PRKCE: variants seen among roughly 807,000 people sequenced by gnomAD.
The protein encoded by PRKCE is protein kinase C epsilon type.
In PRKCE, 16 loss-of-function variants were observed where a neutral mutation model predicts 85.4. The ratio of observed to expected loss-of-function variants is 0.19; its 90% CI spans 0.13 to 0.28. The LOEUF (loss-of-function observed/expected upper bound fraction) is 0.28, where lower values mean the gene tolerates loss of function less well. Among genes scored for constraint, PRKCE ranks in the 10% least tolerant of loss-of-function variants. PRKCE has a pLI of 1.00. For synonymous variants in PRKCE, 388 were observed against 371.5 expected, an observed-to-expected ratio of 1.04 and a Z score of -0.51; for missense variants, 573 against 975.2, an observed-to-expected ratio of 0.59 and a Z score of 5.49.
chr2:45,761,169 T>C (rs1261405928), intron 1 of PRKCE, among the ~76,000 whole-genome samples: 1 of 151,564 alleles, frequency 6.6e-6, no homozygotes, highest in Non-Finnish European at 1.5e-5. Context: ...CTACTAAAAA[T>C]ACAAAAAATT....
At chr2:46,153,618 G>A (rs377107130) in intron 13 of PRKCE, among the ~76,000 whole-genome samples, 16 of 152,092 alleles carry the variant, frequency 1.1e-4, no homozygotes, top group African/African-American at 3.1e-4. Context: ...AAGTGCACAG[G>A]CCTTGGACTA....
intron 6 of PRKCE, among the ~76,000 whole-genome samples, chr2:45,986,147 T>C (rs1276394590): frequency 1.3e-5 from 2 of 152,156 alleles, no homozygotes; most frequent in Admixed American, 1.3e-4. Flanking sequence ...TTTAACAGTT[T>C]TATAAAGAAG....
chr2:45,793,857 A>G (rs910043346), intron 1 of PRKCE, among the ~76,000 whole-genome samples: 2 of 152,214 alleles, frequency 1.3e-5, no homozygotes, highest in African/African-American at 2.4e-5. Context: ...GCCCTGTTAC[A>G]TAGCCAGGAA....
At chr2:45,667,939 C>T (rs1675991868) in intron 1 of PRKCE, among the ~76,000 whole-genome samples, 1 of 152,144 alleles carries the variant, frequency 6.6e-6, no homozygotes, top group African/African-American at 2.4e-5. Flanking sequence ...GACCTTTTGA[C>T]AAGTTGTGTA....
At position 46,101,773 on chromosome 2, in the gene PRKCE, G is replaced by A. The variant is rs574292800; in HGVS notation, c.1592+15411G>A. On this transcript the variant is annotated intron_variant, in intron 11 of 14. Transcript: ENST00000306156. Reference sequence around the variant, plus strand: ...AACTCAGAGACGATGTGGCTTGTCCGAGGACACTCGGTCTCATAGCAACAC... The same window carrying A: ...AACTCAGAGACGATGTGGCTTGTCCAAGGACACTCGGTCTCATAGCAACAC... 8.6e-5 allele frequency among the ~76,000 whole-genome samples: 13 copies of A among 150,302 alleles called. No homozygotes were observed. The East Asian group carries it at 1.4e-3, about 16-fold the overall frequency.
rs1307647653 is a variant in PRKCE at position 46,187,107 on chromosome 2, A to G, written c.*2226A>G. ...CATGATAATACTGCCCATCATATTCATGTGTAACTACTGTTCTTTCTTCTG... is the reference window on the plus strand; with the variant it reads ...CATGATAATACTGCCCATCATATTCGTGTGTAACTACTGTTCTTTCTTCTG... On this transcript the variant is annotated 3_prime_UTR_variant, in exon 15 of 15. Transcript: ENST00000306156. The G allele has an allele frequency of 1.3e-5, 2 of 152,638 alleles. No individual in the cohort carries two copies. Among genetic ancestry groups the G allele is most frequent in the Non-Finnish European group, 2.9e-5 (2 of 68,044 alleles). The allele number at this position is 152,638 out of a possible 1,614,324, so 9.5% of individuals were successfully genotyped here. A position where few individuals can be genotyped will look rare whatever the true frequency, so the allele number is the denominator to read the frequency against.
intron 1 of PRKCE, among the ~76,000 whole-genome samples, chr2:45,769,958 C>A (rs1685184993): frequency 6.6e-6 from 1 of 152,260 alleles, no homozygotes; most frequent in Non-Finnish European, 1.5e-5. Context: ...GTGCAGCAGG[C>A]ACACGTGCAC....
At chr2:46,147,296 T>G (rs1459643214) in intron 12 of PRKCE, among the ~76,000 whole-genome samples, 1 of 152,250 alleles carries the variant, frequency 6.6e-6, no homozygotes, top group Non-Finnish European at 1.5e-5. Flanking sequence ...ATTGTCAGAA[T>G]ACTTAGTTCC....
Position 45,661,740 on chromosome 2 carries a change from C to A in PRKCE, c.348+9292C>A, listed in dbSNP as rs550161168. 5.3e-5 allele frequency among the ~76,000 whole-genome samples: 8 copies of A among 150,016 alleles called. No homozygotes were observed. The South Asian group carries it at 1.7e-3, about 32-fold the overall frequency. ...ATTTTTAGTAAGGAAGGGGTTTCAC[C>A]ATGTTAGCCATGATGGTCTCAATCT... On this transcript the variant is annotated intron_variant, in intron 1 of 14. Transcript: ENST00000306156.
At chr2:45,924,419 A>T (rs1003028351) in intron 2 of PRKCE, among the ~76,000 whole-genome samples, 2 of 152,178 alleles carry the variant, frequency 1.3e-5, no homozygotes, top group Non-Finnish European at 2.9e-5. Context: ...GGAAACAATG[A>T]TTGTTGGGAT....
chr2:45,658,923 C>CG (rs1558531986), intron 1 of PRKCE, among the ~76,000 whole-genome samples: 1 of 152,166 alleles, frequency 6.6e-6, no homozygotes, highest in African/African-American at 2.4e-5. Context: ...CTAGAAGCTG[C>CG]GGTCATTGTA....
intron 2 of PRKCE, among the ~76,000 whole-genome samples, chr2:45,970,095 C>G (rs556596531): frequency 2.0e-5 from 3 of 152,288 alleles, no homozygotes; most frequent in Non-Finnish European, 4.4e-5. Context: ...ATGTGAATCT[C>G]TTTGTGGCCT....
At chr2:45,935,057 ACT>A (rs764371155) in intron 2 of PRKCE, among the ~76,000 whole-genome samples, 4 of 146,110 alleles carry the variant, frequency 2.7e-5, no homozygotes, top group South Asian at 2.3e-4. Context: ...CGAGACACTC[ACT>A]CTCTCTCTCA....
At position 46,041,747 on chromosome 2, in the gene PRKCE, CA is replaced by C. The variant is rs757738139; in HGVS notation, c.1437+31231del. On this transcript the variant is annotated intron_variant, in intron 10 of 14. Coordinates refer to ENST00000306156, the MANE Select transcript of PRKCE (RefSeq NM_005400.3). This position sits in a 1 kb window ranked among gnomAD's most constrained non-coding sequence, Gnocchi z 5.5. ...ACAAAATACTGTATAGATCAGTTTA[CA>C]TTAGATTGTTTAATTAAATTTAAAA... 6.2e-4 allele frequency among the ~76,000 whole-genome samples: 95 copies of C among 152,310 alleles called. No homozygotes were observed. Among genetic ancestry groups the C allele is most frequent in the Non-Finnish European group, 1.1e-3 (78 of 68,028 alleles).
intron 2 of PRKCE, among the ~76,000 whole-genome samples, chr2:45,850,063 G>T (rs1409271053): frequency 6.6e-6 from 1 of 152,184 alleles, no homozygotes; most frequent in African/African-American, 2.4e-5. Flanking sequence ...GCCTCTAGAT[G>T]CACAGCAGTG....
chr2:45,998,628 T>G (rs1406341815), intron 6 of PRKCE, among the ~76,000 whole-genome samples: 2 of 152,188 alleles, frequency 1.3e-5, no homozygotes, highest in Non-Finnish European at 2.9e-5. Flanking sequence ...TTTTAATTGG[T>G]ATATTTAGAC....
At chr2:46,040,209 G>T (rs75824070) in intron 10 of PRKCE, among the ~76,000 whole-genome samples, 1,598 of 152,290 alleles carry the variant, frequency 0.01, 40 homozygotes, top group African/African-American at 0.036. Flanking sequence ...AAATTGAACT[G>T]AACTAGGCCT....
At chr2:45,769,911 C>T (rs918179630) in intron 1 of PRKCE, among the ~76,000 whole-genome samples, 3 of 152,228 alleles carry the variant, frequency 2.0e-5, no homozygotes, top group Non-Finnish European at 2.9e-5. Context: ...AACATGTACA[C>T]GGCGCCAATC....
Position 45,872,284 on chromosome 2 carries a change from T to C in PRKCE, c.412+29221T>C, listed in dbSNP as rs142224488. 1.4e-3 allele frequency among the ~76,000 whole-genome samples: 215 copies of C among 152,106 alleles called. 1 individual carries two copies. The highest frequency in any genetic ancestry group is 5.1e-3 in the African/African-American group (213 of 41,482). On this transcript the variant is annotated intron_variant, in intron 2 of 14. Transcript: ENST00000306156. ...CACGTTGGGCAGAGAAAACAGCAAG[T>C]GCAAAGACCCTGCAAGCAAAGAAGT... is the stretch of plus-strand genomic sequence containing the variant.
Sources: allele counts gnomAD v4.1 joint callset (sites outside exome capture counted in the v4.1 genomes callset), GRCh38; gene constraint gnomAD v4.1.1; non-coding constraint Gnocchi (gnomAD v3.1); transcripts MANE v1.5; gene names NCBI Gene and HGNC (gene_info 2026-07-23, HGNC 2026-07-21).